Variants in TMPRSS11F observed in about 807,000 individuals in gnomAD.
The protein encoded by TMPRSS11F is transmembrane serine protease 11F.
TMPRSS11F carries 47 observed loss-of-function variants against 60.2 expected under a neutral mutation model. The observed-to-expected ratio is 0.78, with a 90% confidence interval of 0.62 to 1.00. The LOEUF (loss-of-function observed/expected upper bound fraction) is 1.00. TMPRSS11F is among the 50% of genes least tolerant of loss of function. The probability of loss-of-function intolerance (pLI) is 0.00; values close to 1 mark genes in which losing one functional copy is unlikely to be tolerated. For missense variants in TMPRSS11F, 519 were observed against 522.9 expected (o/e 0.99, Z 0.07); for synonymous variants, 166 against 167.3 (o/e 0.99, Z 0.06).
At position 68,069,756 on chromosome 4, in the gene TMPRSS11F, C is replaced by T. The variant is rs544085259; in HGVS notation, c.553+213G>A. On this transcript the variant is annotated intron_variant, in intron 6 of 9. Transcript: ENST00000356291. ...ATGTAAGGTGTTTTTAACCACATCTCGTAGGTCATATAAACTTAGAATTGT... is the reference window on the plus strand; with the variant it reads ...ATGTAAGGTGTTTTTAACCACATCTTGTAGGTCATATAAACTTAGAATTGT... Among the ~76,000 whole-genome samples, 5 of 151,344 alleles carry T rather than the reference C, an allele frequency of 3.3e-5. No individual in the cohort carries two copies. The East Asian group carries it at 9.7e-4, about 29-fold the overall frequency.
At chr4:68,062,966 C>A in intron 8 of TMPRSS11F, 1 of 732,392 alleles carries the variant, frequency 1.4e-6, no homozygotes, top group Non-Finnish European at 2.6e-6. Context: ...TGGAACTGAC[C>A]CGTCTTCGAG....
intron 6 of TMPRSS11F, 91 bp from the exon 7 acceptor site, chr4:68,068,910 C>T (rs1348751163): frequency 7.5e-7 from 1 of 1,336,856 alleles, no homozygotes; most frequent in African/African-American, 1.4e-5. Flanking sequence ...TCCTTTGTCC[C>T]TGCTACCATG....
intron 1 of TMPRSS11F, among the ~76,000 whole-genome samples, chr4:68,118,382 A>T (rs771315537): frequency 2.6e-5 from 4 of 152,194 alleles, no homozygotes; most frequent in Non-Finnish European, 4.4e-5. Context: ...ACTGTATTAT[A>T]ACACAATTTT....
At chr4:68,092,974 CTTAA>C (rs1448676978) in intron 2 of TMPRSS11F, among the ~76,000 whole-genome samples, 7 of 152,198 alleles carry the variant, frequency 4.6e-5, no homozygotes, top group South Asian at 2.1e-4. Context: ...GAACTTTTGT[CTTAA>C]TTAATAATAC....
At chr4:68,119,465 C>A (rs1243768453) in intron 1 of TMPRSS11F, among the ~76,000 whole-genome samples, 1 of 152,168 alleles carries the variant, frequency 6.6e-6, no homozygotes, top group Non-Finnish European at 1.5e-5. Flanking sequence ...GCTTCAAATA[C>A]TGGCTGACCC....
At chr4:68,127,043 T>C (rs1306490749) in intron 1 of TMPRSS11F, among the ~76,000 whole-genome samples, 2 of 152,196 alleles carry the variant, frequency 1.3e-5, no homozygotes, top group African/African-American at 2.4e-5. Flanking sequence ...TGGTTCTAAA[T>C]TGCATTATCA....
intron 1 of TMPRSS11F, among the ~76,000 whole-genome samples, chr4:68,100,122 A>G (rs191107149): frequency 2.0e-5 from 3 of 151,952 alleles, no homozygotes; most frequent in Admixed American, 6.6e-5. Context: ...ATTCATTACT[A>G]ATAGGGGGTA....
intron 2 of TMPRSS11F, among the ~76,000 whole-genome samples, chr4:68,093,710 C>T (rs1389472728): frequency 2.6e-5 from 4 of 151,712 alleles, no homozygotes; most frequent in Admixed American, 2.6e-4. Flanking sequence ...AAGAAAAAAA[C>T]AAACAACCCC....
intron 9 of TMPRSS11F, 116 bp from the exon 10 acceptor site, chr4:68,054,183 C>T: frequency 5.9e-6 from 5 of 852,980 alleles, no homozygotes; most frequent in Non-Finnish European, 3.6e-6. Flanking sequence ...AGCCAGACTA[C>T]AGACTATATA....
At chr4:68,129,168 T>C (rs1724770265) in intron 1 of TMPRSS11F, among the ~76,000 whole-genome samples, 1 of 152,150 alleles carries the variant, frequency 6.6e-6, no homozygotes, top group African/African-American at 2.4e-5. Context: ...AACAATAGCC[T>C]GAATATTACC....
rs540145943 is a variant in TMPRSS11F at position 68,124,046 on chromosome 4, C to T, written c.11+5764G>A. ...AACCAGCCTGGCCAATATGGCGAAACCCCATCTCTACTAAAAATACAAAAA... is the reference window on the plus strand; with the variant it reads ...AACCAGCCTGGCCAATATGGCGAAATCCCATCTCTACTAAAAATACAAAAA... On this transcript the variant is annotated intron_variant, in intron 1 of 9. Coordinates refer to ENST00000356291, the MANE Select transcript of TMPRSS11F (RefSeq NM_207407.2). Among the ~76,000 whole-genome samples the T allele has an allele frequency of 2.6e-5, 4 of 152,064 alleles. No homozygotes were observed. In the East Asian group the frequency reaches 7.8e-4, roughly 30 times the overall value.
chr4:68,067,981 TC>T (rs1939748998), intron 7 of TMPRSS11F, among the ~76,000 whole-genome samples: 1 of 152,186 alleles, frequency 6.6e-6, no homozygotes, highest in Admixed American at 6.5e-5. Flanking sequence ...TATGTATGTC[TC>T]TGTACATGAA....
At chr4:68,065,930 A>T (rs1723316522) in intron 7 of TMPRSS11F, among the ~76,000 whole-genome samples, 2 of 152,132 alleles carry the variant, frequency 1.3e-5, no homozygotes. Flanking sequence ...AGCCTGACCA[A>T]TATGGTGAAA....
In TMPRSS11F at chr4:68,092,701, T is replaced by C. The variant is rs372524583; in HGVS notation, c.164-2060A>G. 4.1e-5 allele frequency among the ~76,000 whole-genome samples: 6 copies of C among 145,376 alleles called. No individual in the cohort carries two copies. The East Asian group carries it at 1.2e-3, about 29-fold the overall frequency. On this transcript the variant is annotated intron_variant, in intron 2 of 9. Transcript: ENST00000356291. ...TCTCAAGGCACATCTTGATAAGATT[T>C]CACAATTAAAGTTTTATTACAAAAA...
At chr4:68,081,568 C>A (rs1339190948) in intron 3 of TMPRSS11F, among the ~76,000 whole-genome samples, 3 of 152,128 alleles carry the variant, frequency 2.0e-5, no homozygotes, top group Admixed American at 2.0e-4. Context: ...ATAAAGTATT[C>A]CTGCATTCCA....
intron 3 of TMPRSS11F, among the ~76,000 whole-genome samples, chr4:68,087,474 C>G (rs991889567): frequency 6.6e-6 from 1 of 152,098 alleles, no homozygotes; most frequent in Non-Finnish European, 1.5e-5. Flanking sequence ...CCACTCTCTC[C>G]ACTCCTATTC....
At chr4:68,124,231 A>AG (rs901458831) in intron 1 of TMPRSS11F, among the ~76,000 whole-genome samples, 1 of 151,900 alleles carries the variant, frequency 6.6e-6, no homozygotes, top group Non-Finnish European at 1.5e-5. Flanking sequence ...AAAAAAAAAA[A>AG]AAAACAAACC....
intron 8 of TMPRSS11F, chr4:68,063,342 G>A (rs902916720): frequency 2.1e-6 from 1 of 465,144 alleles, no homozygotes; most frequent in African/African-American, 2.0e-5. Flanking sequence ...AAAACATTCA[G>A]TTAATCTTTT....
At chr4:68,105,049 GTTTTTTTTTTTTT>G (rs34041075) in intron 1 of TMPRSS11F, among the ~76,000 whole-genome samples, 845 of 55,286 alleles carry the variant, frequency 0.015, 17 homozygotes, top group South Asian at 0.13. Flanking sequence ...TTCCCTCTAG[GTTTTTTTTTTTTT>G]TTTTTTTTTT....
Sources: gnomAD v4.1 joint callset for allele counts (sites outside exome capture counted in the v4.1 genomes callset) on GRCh38, gnomAD v4.1.1 for gene constraint, MANE v1.5 for transcripts, NCBI Gene and HGNC (gene_info 2026-07-23, HGNC 2026-07-21) for gene names.